Variants in PVT1 observed in about 807,000 individuals in gnomAD.
PVT1 encodes the protein CXCR4/PVT1 fusion.
At chr8:127,812,882 C>T (rs747669788) in intron 2 of PVT1, among the ~76,000 whole-genome samples, 3 of 152,026 alleles carry the variant, frequency 2.0e-5, no homozygotes, top group Non-Finnish European at 1.5e-5. Context: ...CTGTGTCAGG[C>T]TCTCACAGGG....
intron 4 of PVT1, among the ~76,000 whole-genome samples, chr8:128,007,316 A>C (rs927672414): frequency 6.6e-6 from 1 of 152,238 alleles, no homozygotes; most frequent in Admixed American, 6.5e-5. Flanking sequence ...CAGTTAAATA[A>C]TTGTACTGTG....
chr8:127,866,263 T>C (rs1243118336), intron 2 of PVT1, among the ~76,000 whole-genome samples: 1 of 152,144 alleles, frequency 6.6e-6, no homozygotes. Flanking sequence ...ATAACACGTA[T>C]CCCAACTCCT....
At chr8:128,058,457 A>G (rs1380185013) in intron 4 of PVT1, among the ~76,000 whole-genome samples, 2 of 151,698 alleles carry the variant, frequency 1.3e-5, no homozygotes, top group Non-Finnish European at 2.9e-5. Context: ...TAGCTCTTCT[A>G]CTAAATACAT....
chr8:127,949,991 C>T lies in PVT1; in HGVS notation n.783-39171C>T, dbSNP rs144181536. On this transcript the variant is annotated intron_variant and non_coding_transcript_variant, in intron 3 of 10. Transcript: ENST00000651587. The stretch of plus-strand genomic sequence containing the variant: ...CTGTCCCCTGCCTTCCCTGGCGGCC[C>T]GGGTTCCTGGAAAAGCTGTGTGCCA... Among the ~76,000 whole-genome samples, 607 of 152,358 alleles carry T rather than the reference C, an allele frequency of 4.0e-3. 3 individuals are homozygous for T. The highest frequency in any genetic ancestry group is 6.7e-3 in the Non-Finnish European group (459 of 68,028).
At chr8:127,943,895 G>C (rs540747983) in intron 3 of PVT1, among the ~76,000 whole-genome samples, 10 of 152,288 alleles carry the variant, frequency 6.6e-5, no homozygotes, top group Non-Finnish European at 7.3e-5. Flanking sequence ...GTTCCTGGCT[G>C]TAGGATGTGG....
At chr8:128,071,036 T>C (rs2130135581) in intron 5 of PVT1, among the ~76,000 whole-genome samples, 1 of 152,316 alleles carries the variant, frequency 6.6e-6, no homozygotes, top group South Asian at 2.1e-4. Context: ...TTGCAGAGAA[T>C]GTCAGAAGCG....
intron 6 of PVT1, among the ~76,000 whole-genome samples, chr8:128,097,137 G>T (rs1271265918): frequency 6.6e-6 from 1 of 152,236 alleles, no homozygotes; most frequent in African/African-American, 2.4e-5. Flanking sequence ...AAGGCGGGTG[G>T]ATCACTTGAG....
chr8:128,076,115 C>CA (rs1041035877), intron 5 of PVT1, among the ~76,000 whole-genome samples: 2 of 152,214 alleles, frequency 1.3e-5, no homozygotes, highest in African/African-American at 4.8e-5. Context: ...GACCACCACT[C>CA]ACTCTGTGTT....
At position 127,869,712 on chromosome 8, in the gene PVT1, T is replaced by C. The variant is rs551445359; in HGVS notation, n.373-20877T>C. Among the ~76,000 whole-genome samples the C allele has an allele frequency of 2.0e-5, 3 of 152,318 alleles. No individual in the cohort carries two copies. The South Asian group carries it at 6.2e-4, about 32-fold the overall frequency. Reference sequence around the variant, plus strand: ...AATTTTACCTTATAGTAGAAGAACATAGTAAATAATTGTACCAGATTGAGT... The same window carrying C: ...AATTTTACCTTATAGTAGAAGAACACAGTAAATAATTGTACCAGATTGAGT... On this transcript the variant is annotated intron_variant and non_coding_transcript_variant, in intron 2 of 10. Transcript: ENST00000651587.
At chr8:127,849,658 CT>C (rs1449251890) in intron 2 of PVT1, among the ~76,000 whole-genome samples, 1 of 151,192 alleles carries the variant, frequency 6.6e-6, no homozygotes, top group Non-Finnish European at 1.5e-5. Flanking sequence ...GTGTGTGCCC[CT>C]GCGTGCACGT....
rs540372324 is a variant in PVT1, at chr8:127,999,367, T to C, written n.912+10076T>C. 2.0e-5 allele frequency: 3 copies of C among 152,342 alleles called. No homozygotes were observed. In the South Asian group the frequency reaches 6.2e-4, roughly 32 times the overall value. The allele number at this position is 152,342 out of a possible 1,614,324, so 9.4% of individuals were successfully genotyped here. ...ATATGAATCCATGTGCATGCACGTA[T>C]GTGTAAATATTTCTCCAGGTATCCA... On this transcript the variant is annotated intron_variant and non_coding_transcript_variant, in intron 4 of 10. Coordinates refer to ENST00000651587, the Ensembl canonical transcript of PVT1.
At chr8:127,797,552 G>A (rs1814411718) in intron 2 of PVT1, among the ~76,000 whole-genome samples, 1 of 152,160 alleles carries the variant, frequency 6.6e-6, no homozygotes, top group Admixed American at 6.5e-5. Flanking sequence ...TTGGAATGCT[G>A]CCAAAATGGG....
At chr8:128,089,689 A>G (rs1814325084) in intron 5 of PVT1, among the ~76,000 whole-genome samples, 1 of 152,214 alleles carries the variant, frequency 6.6e-6, no homozygotes, top group Admixed American at 6.5e-5. Flanking sequence ...TAATTGGAAA[A>G]GTATGTTGAG....
chr8:128,038,635 A>C (rs1247833857), intron 4 of PVT1, among the ~76,000 whole-genome samples: 1 of 152,138 alleles, frequency 6.6e-6, no homozygotes, highest in Non-Finnish European at 1.5e-5. Flanking sequence ...ATCATTTCAC[A>C]GATTCATTGA....
chr8:127,979,007 T>C (rs1416229531), intron 3 of PVT1, among the ~76,000 whole-genome samples: 1 of 152,232 alleles, frequency 6.6e-6, no homozygotes, highest in Non-Finnish European at 1.5e-5. Flanking sequence ...GGTTGCCATT[T>C]TTAGCATTAT....
At chr8:127,833,146 G>A (rs1308400512) in intron 2 of PVT1, among the ~76,000 whole-genome samples, 1 of 152,130 alleles carries the variant, frequency 6.6e-6, no homozygotes, top group Non-Finnish European at 1.5e-5. Context: ...TAATCTGTTG[G>A]GCCCTATGGA....
At chr8:127,994,379 A>T (rs527932071) in intron 4 of PVT1, among the ~76,000 whole-genome samples, 20 of 152,332 alleles carry the variant, frequency 1.3e-4, no homozygotes, top group African/African-American at 4.6e-4. Flanking sequence ...GGCAGGAGGT[A>T]GCCATTCCCT....
At chr8:127,994,717 C>T (rs7016045) in intron 4 of PVT1, among the ~76,000 whole-genome samples, 127,792 of 152,228 alleles carry the variant, frequency 0.84, 53,697 homozygotes, top group South Asian at 0.9. Context: ...AAACAGCTGT[C>T]GTGTCACAAA....
In PVT1 at chr8:128,084,481, A is replaced by T. The variant is rs1193417245; in HGVS notation, n.1115-12037A>T. ...CCCCCGCCCCTCATTTCCCATCATTATCTGTAGTACTGATGACTTGCAGAT... is the reference window on the plus strand; with the variant it reads ...CCCCCGCCCCTCATTTCCCATCATTTTCTGTAGTACTGATGACTTGCAGAT... On this transcript the variant is annotated intron_variant and non_coding_transcript_variant, in intron 5 of 10. Coordinates refer to ENST00000651587, the Ensembl canonical transcript of PVT1. Among the ~76,000 whole-genome samples the T allele has an allele frequency of 2.0e-5, 3 of 152,016 alleles. No homozygotes were observed. The East Asian group carries it at 5.8e-4, about 29-fold the overall frequency.
Sources: allele counts gnomAD v4.1 joint callset (sites outside exome capture counted in the v4.1 genomes callset), GRCh38; gene constraint gnomAD v4.1.1; transcripts MANE v1.5; gene names NCBI Gene and HGNC (gene_info 2026-07-23, HGNC 2026-07-21).